PROX1: variants seen among roughly 807,000 people sequenced by gnomAD.
PROX1 encodes the protein prospero homeobox 1.
A neutral mutation model predicts 58.8 loss-of-function variants in PROX1; 7 were observed. The observed-to-expected ratio is 0.12, with a 90% CI of 0.07 to 0.22. The LOEUF (loss-of-function observed/expected upper bound fraction) is 0.22. PROX1 is among the 10% of genes least tolerant of loss of function. The pLI is 1.00. For missense variants in PROX1, 675 were observed against 927.8 expected (o/e 0.73, Z 3.54); for synonymous variants, 350 against 358.3 (o/e 0.98, Z 0.26).
intron 2 of PROX1, among the ~76,000 whole-genome samples, chr1:214,004,035 A>T (rs1663621172): frequency 6.6e-6 from 1 of 151,976 alleles, no homozygotes; most frequent in African/African-American, 2.4e-5. Context: ...TATTTTTCTT[A>T]GACACTCTTC....
chr1:214,011,833 A>G (rs191795032), intron 4 of PROX1, 118 bp downstream of exon 4: 143 of 794,832 alleles, frequency 1.8e-4, no homozygotes, highest in Non-Finnish European at 1.5e-4. Context: ...GCATCCCCCA[A>G]TAGAGTAACA....
intron 4 of PROX1, among the ~76,000 whole-genome samples, chr1:214,014,211 G>A (rs993336038): frequency 2.0e-5 from 3 of 152,270 alleles, no homozygotes; most frequent in South Asian, 4.1e-4. Context: ...AAGTAGATCC[G>A]GCACCTTCAG....
In PROX1 at chr1:213,987,995, A is replaced by G. The variant is rs1167921908; in HGVS notation, c.-556A>G. The G allele has an allele frequency of 6.6e-6, 1 of 151,400 alleles. No homozygotes were observed. The highest frequency in any genetic ancestry group is 1.5e-5 in the Non-Finnish European group (1 of 67,894). The allele number at this position is 151,400 out of a possible 1,614,324, so 9.4% of individuals were successfully genotyped here. A position where few individuals can be genotyped will look rare whatever the true frequency, so the allele number is the denominator to read the frequency against. On this transcript the variant is annotated 5_prime_UTR_variant, in exon 1 of 5. The change creates a new upstream start codon in the 5' untranslated region. Transcript: ENST00000366958. ...CTCAGCTGAGGGAGCGCTCTGAAATAATACACCATTGCAGCCGGGGAAAGC... is the reference window on the plus strand; with the variant it reads ...CTCAGCTGAGGGAGCGCTCTGAAATGATACACCATTGCAGCCGGGGAAAGC...
At chr1:214,033,896 G>C (rs1194637048) in intron 4 of PROX1, among the ~76,000 whole-genome samples, 1 of 152,198 alleles carries the variant, frequency 6.6e-6, no homozygotes, top group East Asian at 1.9e-4. Flanking sequence ...CCAAAGGCCT[G>C]TAGAAAATCC....
intron 1 of PROX1, among the ~76,000 whole-genome samples, chr1:213,990,133 TAAAAAA>T (rs5780750): frequency 7.6e-6 from 1 of 131,694 alleles, no homozygotes; most frequent in African/African-American, 2.9e-5. Context: ...CTCCCTTATT[TAAAAAA>T]AAAAAAAAAA....
At chr1:214,005,539 G>A (rs183076978) in intron 3 of PROX1, among the ~76,000 whole-genome samples, 1 of 152,284 alleles carries the variant, frequency 6.6e-6, no homozygotes, top group Admixed American at 6.5e-5. Context: ...TGTTTGAGTA[G>A]CTTCTTTGAA....
intron 4 of PROX1, among the ~76,000 whole-genome samples, chr1:214,019,525 T>C (rs1664208579): frequency 6.6e-6 from 1 of 152,158 alleles, no homozygotes; most frequent in Non-Finnish European, 1.5e-5. Context: ...AAACCTCACC[T>C]TCGGATTTAA....
intron 2 of PROX1, among the ~76,000 whole-genome samples, chr1:214,001,251 AG>A (rs1400557699): frequency 1.3e-5 from 2 of 152,222 alleles, no homozygotes; most frequent in Non-Finnish European, 2.9e-5. Context: ...ATCTAGTAGA[AG>A]GGAAATAGTG....
intron 4 of PROX1, among the ~76,000 whole-genome samples, chr1:214,034,295 G>A (rs1041057648): frequency 6.6e-6 from 1 of 152,168 alleles, no homozygotes; most frequent in Admixed American, 6.5e-5. Context: ...GATGAAACAT[G>A]TTCAACATTA....
chr1:213,987,886 G>C (rs1308934161), upstream of PROX1: 3 of 151,302 alleles, frequency 2.0e-5, no homozygotes, highest in Non-Finnish European at 4.4e-5. Context: ...TGCTGGGGCC[G>C]GGTACGTCAG....
intron 4 of PROX1, among the ~76,000 whole-genome samples, chr1:214,032,349 T>C (rs772419585): frequency 6.6e-6 from 1 of 152,232 alleles, no homozygotes; most frequent in Non-Finnish European, 1.5e-5. Flanking sequence ...CTGAGATCTA[T>C]TCGAACTCTT....
chr1:214,016,771 T>C (rs1457758784), intron 4 of PROX1, among the ~76,000 whole-genome samples: 1 of 152,048 alleles, frequency 6.6e-6, no homozygotes, highest in African/African-American at 2.4e-5. Context: ...GGAGTGGAGG[T>C]AGAATTCTAT....
intron 3 of PROX1, among the ~76,000 whole-genome samples, chr1:214,010,609 C>T (rs1663874984): frequency 6.6e-6 from 1 of 152,138 alleles, no homozygotes. Flanking sequence ...CAAGTTGAGA[C>T]TCATCTGTCC....
intron 3 of PROX1, among the ~76,000 whole-genome samples, chr1:214,006,104 G>A (rs1300960872): frequency 1.3e-5 from 2 of 152,124 alleles, no homozygotes; most frequent in Admixed American, 1.3e-4. Flanking sequence ...CCAGGAACTT[G>A]ATAAACACTA....
At chr1:214,013,739 C>T (rs567793140) in intron 4 of PROX1, among the ~76,000 whole-genome samples, 51 of 152,334 alleles carry the variant, frequency 3.3e-4, no homozygotes, top group African/African-American at 1.0e-3. Context: ...TAATATTTCT[C>T]TCTTTGTGAA....
rs1224965958 is a variant in PROX1, at chr1:214,013,131, T to C, written c.2028+1416T>C. The stretch of plus-strand genomic sequence containing the variant: ...TTTGCCAAATGTGTGATAAATGAAG[T>C]TTGGGTGGTGTGTGTGTGTGTGTGT... On this transcript the variant is annotated intron_variant, in intron 4 of 4. Coordinates refer to ENST00000366958, the MANE Select transcript of PROX1 (RefSeq NM_001270616.2). Among the ~76,000 whole-genome samples, 6 of 101,526 alleles carry C rather than the reference T, an allele frequency of 5.9e-5. No homozygotes were observed. The East Asian group carries it at 1.6e-3, about 27-fold the overall frequency. The allele number at this position is 101,526 out of a possible 152,430, so 66.6% of individuals were successfully genotyped here.
chr1:214,038,421 C>A lies in PROX1; in HGVS notation c.*2587C>A, dbSNP rs911899737. On this transcript the variant is annotated 3_prime_UTR_variant, in exon 5 of 5. Transcript: ENST00000366958. ...TTTTTTTAATCACCATCTTTCAAAT[C>A]TTAGCTCAACTCTCACCAAGTGAAA... is the stretch of plus-strand genomic sequence containing the variant. The A allele has an allele frequency of 2.0e-5, 3 of 151,226 alleles. No homozygotes were observed. The highest frequency in any genetic ancestry group is 2.9e-5 in the Non-Finnish European group (2 of 67,906). The allele number at this position is 151,226 out of a possible 1,614,324, so 9.4% of individuals were successfully genotyped here.
rs758065564 is a variant in PROX1, at chr1:213,997,102, T to C, written c.567T>C (p.Asn189=). 34 of 1,612,616 alleles carry C rather than the reference T, an allele frequency of 2.1e-5. No homozygotes were observed. The highest frequency in any genetic ancestry group is 2.8e-5 in the Non-Finnish European group (33 of 1,179,616). The stretch of plus-strand genomic sequence containing the variant: ...GTGTGGCATTAAGGGGCAATGAAAA[T>C]GAAAGAGAGATGGCCCCGCAGTCTG... The part of the protein sequence containing the change: ...SPSVALRGNE[N]EREMAPQSVS... The change falls in exon 2 of 5, where the codon AAT becomes AAC. Residue 189 remains asparagine (N), a synonymous_variant. Transcript: ENST00000366958. The surrounding 1 kb of genome is among the most constrained non-coding windows in gnomAD (Gnocchi z 7.1).
At chr1:213,998,294 AACCAAAAAAGGTTT>A (rs765352023) in intron 2 of PROX1, 34 bp downstream of exon 2, 110 of 1,514,990 alleles carry the variant, frequency 7.3e-5, no homozygotes, top group Non-Finnish European at 9.5e-5. Context: ...GGAAAAAACA[AACCAAAAAAGGTTT>A]CCCAAAAGGT....
Sources: gnomAD v4.1 joint callset for allele counts (sites outside exome capture counted in the v4.1 genomes callset) on GRCh38, gnomAD v4.1.1 for gene constraint, Gnocchi (gnomAD v3.1) non-coding constraint, MANE v1.5 for transcripts, NCBI Gene and HGNC (gene_info 2026-07-23, HGNC 2026-07-21) for gene names.